DIS3L2: variants seen among roughly 807,000 people sequenced by gnomAD.
The protein encoded by DIS3L2 is DIS3 like 3'-5' exoribonuclease 2, also known as DIS3-like exonuclease 2.
Under a neutral mutation model 97.5 loss-of-function variants are expected in DIS3L2, and 34 were observed. That is an observed-to-expected ratio of 0.35 (90% CI 0.27 to 0.46). The LOEUF is 0.46. Among genes scored for constraint, DIS3L2 ranks in the 20% least tolerant of loss-of-function variants. The probability of loss-of-function intolerance (pLI) is 1.00; values close to 1 mark genes in which losing one functional copy is unlikely to be tolerated. For synonymous variants in DIS3L2, 435 were observed against 445.2 expected (o/e 0.98, Z 0.29); for missense variants, 1,038 against 1,146.0 (o/e 0.91, Z 1.36).
intron 13 of DIS3L2, among the ~76,000 whole-genome samples, chr2:232,270,912 C>CTCTG (rs1269836419): frequency 6.4e-4 from 77 of 121,226 alleles, no homozygotes; most frequent in African/African-American, 2.1e-3. Flanking sequence ...CTCTCTCTCT[C>CTCTG]TCTGTCTCGT....
At chr2:232,118,436 A>G (rs980967797) in intron 6 of DIS3L2, among the ~76,000 whole-genome samples, 5 of 152,156 alleles carry the variant, frequency 3.3e-5, no homozygotes, top group African/African-American at 9.7e-5. Flanking sequence ...AGTCTTCTTT[A>G]TAACAACGTA....
chr2:232,191,930 GTC>G (rs1691627929), intron 9 of DIS3L2, among the ~76,000 whole-genome samples: 1 of 152,114 alleles, frequency 6.6e-6, no homozygotes, highest in Non-Finnish European at 1.5e-5. Context: ...AATCTTGAAT[GTC>G]TGTCAGACCT....
intron 5 of DIS3L2, among the ~76,000 whole-genome samples, chr2:232,034,389 C>G (rs1427304379): frequency 6.6e-6 from 1 of 152,102 alleles, no homozygotes; most frequent in Non-Finnish European, 1.5e-5. Context: ...ACTGGTCTAT[C>G]TATTTTGTTA....
In DIS3L2 at chr2:232,263,307, C is replaced by T; in HGVS notation, c.1526C>T (p.Pro509Leu). 6.2e-7 allele frequency: 1 copy of T among 1,614,198 alleles called. No homozygotes were observed. The highest frequency in any genetic ancestry group is 1.1e-5 in the South Asian group (1 of 91,082). The stretch of plus-strand genomic sequence containing the variant: ...ATTGAAAGCCCAACTGAGAAAATCC[C>T]TGCGAAAGAGCTGCCCCCCATTTCC... ...SMIESPTEKI[P>L]AKELPPISPE... The change falls in exon 13 of 21, where the codon CCT becomes CTT. Residue 509 changes from proline to leucine, a missense_variant. Coordinates refer to ENST00000325385, the MANE Select transcript of DIS3L2 (RefSeq NM_152383.5).
chr2:232,194,011 G>C (rs926359182), intron 9 of DIS3L2, among the ~76,000 whole-genome samples: 2 of 152,154 alleles, frequency 1.3e-5, no homozygotes. Flanking sequence ...TTGGGAGGCT[G>C]AGGCATGAGA....
chr2:232,083,850 A>T (rs1696490676), intron 5 of DIS3L2, among the ~76,000 whole-genome samples: 1 of 152,080 alleles, frequency 6.6e-6, no homozygotes. Context: ...GCAGCATGAC[A>T]GTTGCTTTCT....
At chr2:232,139,764 A>G (rs1053936747) in intron 8 of DIS3L2, among the ~76,000 whole-genome samples, 5 of 152,178 alleles carry the variant, frequency 3.3e-5, no homozygotes, top group Admixed American at 3.3e-4. Flanking sequence ...TAAAGAATAG[A>G]TGAGAAGGGA....
chr2:232,337,704 A>G (rs544826424), downstream of DIS3L2, among the ~76,000 whole-genome samples: 251 of 151,820 alleles, frequency 1.7e-3, no homozygotes, highest in Non-Finnish European at 2.8e-3. Context: ...CCCCTGCACC[A>G]TTTCCTGGGG....
intron 4 of DIS3L2, among the ~76,000 whole-genome samples, chr2:232,028,051 G>A (rs534921191): frequency 4.6e-5 from 7 of 152,146 alleles, no homozygotes; most frequent in African/African-American, 1.7e-4. Flanking sequence ...TTTGTACAGT[G>A]GTGGAATTTA....
chr2:232,333,326 C>G (rs1695826347), intron 16 of DIS3L2, among the ~76,000 whole-genome samples: 1 of 150,386 alleles, frequency 6.6e-6, no homozygotes, highest in African/African-American at 2.5e-5. Context: ...CTCCCCCACC[C>G]CCCGCCGCTA....
Position 232,300,108 on chromosome 2 carries a change from C to T in DIS3L2, c.1728C>T (p.Arg576=), listed in dbSNP as rs763819831. 91 of 1,613,588 alleles carry T rather than the reference C, an allele frequency of 5.6e-5. No individual in the cohort carries two copies. Among genetic ancestry groups the T allele is most frequent in the Non-Finnish European group, 7.2e-5 (85 of 1,179,598 alleles). ...AAGGATGTCATATCTATGAGTACCG[C>T]GAGAGCAACAAGTAAGCCACTCAGT... ...LPQGCHIYEY[R]ESNKLVEEFM... Residue 576 remains arginine (R), a synonymous_variant, in exon 14 of 21, where the codon CGC becomes CGT. Coordinates refer to ENST00000325385, the MANE Select transcript of DIS3L2 (RefSeq NM_152383.5).
intron 1 of DIS3L2, among the ~76,000 whole-genome samples, chr2:231,978,194 A>T (rs1693151896): frequency 6.6e-6 from 1 of 152,234 alleles, no homozygotes; most frequent in East Asian, 1.9e-4. Flanking sequence ...TGTAAGGTAT[A>T]TAGAATAGCA....
chr2:232,147,381 C>T (rs905632859), intron 8 of DIS3L2, among the ~76,000 whole-genome samples: 3 of 152,132 alleles, frequency 2.0e-5, no homozygotes, highest in Admixed American at 2.0e-4. Context: ...GTTTTTTTCT[C>T]TTAACCAATA....
In DIS3L2 at chr2:232,005,664, G is replaced by A. The variant is rs149400377; in HGVS notation, c.-93-9171G>A. ...CAGCCTTCCTCCCTTTGTTTACCCT[G>A]CAGAATCTATAGGTAGTTGTTTCTG... On this transcript the variant is annotated intron_variant, in intron 1 of 20. Coordinates refer to ENST00000325385, the MANE Select transcript of DIS3L2 (RefSeq NM_152383.5). 3.0e-4 allele frequency among the ~76,000 whole-genome samples: 45 copies of A among 152,230 alleles called. No homozygotes were observed. In the East Asian group the frequency reaches 8.1e-3, roughly 27 times the overall value.
chr2:232,221,301 T>G (rs913794762), intron 10 of DIS3L2, among the ~76,000 whole-genome samples: 7 of 151,926 alleles, frequency 4.6e-5, no homozygotes, highest in African/African-American at 1.5e-4. Flanking sequence ...AGATCTTATT[T>G]TTAAGCTACA....
intron 15 of DIS3L2, 29 bp downstream of exon 15, chr2:232,330,025 C>T: frequency 6.3e-7 from 1 of 1,580,218 alleles, no homozygotes; most frequent in Non-Finnish European, 8.6e-7. Flanking sequence ...TCGGGGGAGG[C>T]CCTGCTTGGG....
chr2:232,111,160 GA>G (rs1345470658), intron 6 of DIS3L2: 1 of 449,854 alleles, frequency 2.2e-6, no homozygotes, highest in African/African-American at 2.0e-5. Context: ...TAAAAGTTTA[GA>G]AACAACTGAT....
At chr2:232,081,532 A>C (rs1254925912) in intron 5 of DIS3L2, among the ~76,000 whole-genome samples, 3 of 152,188 alleles carry the variant, frequency 2.0e-5, no homozygotes, top group African/African-American at 7.2e-5. Flanking sequence ...CACTTGTATA[A>C]AGAAAAACTT....
chr2:232,273,672 C>T (rs1214073664), intron 13 of DIS3L2, among the ~76,000 whole-genome samples: 2 of 152,174 alleles, frequency 1.3e-5, no homozygotes, highest in African/African-American at 2.4e-5. Context: ...TCTGAGGCAT[C>T]CTGAGCACTT....
Sources: allele counts gnomAD v4.1 joint callset (sites outside exome capture counted in the v4.1 genomes callset), GRCh38; gene constraint gnomAD v4.1.1; transcripts MANE v1.5; gene names NCBI Gene and HGNC (gene_info 2026-07-23, HGNC 2026-07-21).